Variants in HEMK2 observed in about 807,000 individuals in gnomAD.
The protein encoded by HEMK2 is HemK methyltransferase 2, ETF1 glutamine and histone H4 lysine.
chr21:28,767,894 C>A, the HEMK2 span, among the ~76,000 whole-genome samples: 2 of 152,134 alleles, frequency 1.3e-5, no homozygotes, highest in East Asian at 1.9e-4. Context: ...CCTGTGAGAA[C>A]TCTCCTCTCA....
At chr21:28,801,607 C>T in the HEMK2 span, among the ~76,000 whole-genome samples, 1 of 152,156 alleles carries the variant, frequency 6.6e-6, no homozygotes, top group East Asian at 1.9e-4. Context: ...AAAGGCTACT[C>T]TCCCTGATAC....
At chr21:28,612,092 A>T in the HEMK2 span, among the ~76,000 whole-genome samples, 2 of 151,980 alleles carry the variant, frequency 1.3e-5, no homozygotes, top group East Asian at 3.9e-4. Flanking sequence ...GTAACACCCT[A>T]ACACCAAAAC....
the HEMK2 span, among the ~76,000 whole-genome samples, chr21:28,831,558 G>A: frequency 5.6e-3 from 383 of 68,460 alleles, no homozygotes; most frequent in Middle Eastern, 8.3e-3. Context: ...AAGGAAAGAA[G>A]GAAAGAAGGA....
the HEMK2 span, among the ~76,000 whole-genome samples, chr21:28,805,487 CA>C: frequency 6.6e-6 from 1 of 152,122 alleles, no homozygotes; most frequent in Non-Finnish European, 1.5e-5. Context: ...TGATTGAAAC[CA>C]AAATGTTTGG....
chr21:28,880,631 T>G, the HEMK2 span, among the ~76,000 whole-genome samples: 1 of 151,894 alleles, frequency 6.6e-6, no homozygotes, highest in Non-Finnish European at 1.5e-5. Flanking sequence ...TAATCCCAGC[T>G]ACTGGGGAGG....
At chr21:28,866,148 G>GAAAAAAAAAAAA in the HEMK2 span, among the ~76,000 whole-genome samples, 9 of 17,474 alleles carry the variant, frequency 5.2e-4, 1 homozygote, top group South Asian at 8.3e-3. Flanking sequence ...TGTCTCTACA[G>GAAAAAAAAAAAA]AAAAAACAAA....
the HEMK2 span, among the ~76,000 whole-genome samples, chr21:28,651,259 C>T: frequency 6.6e-6 from 1 of 152,160 alleles, no homozygotes; most frequent in Non-Finnish European, 1.5e-5. Context: ...TCCCCCCAGA[C>T]TCCATGCAAA....
At chr21:28,576,564 T>C in the HEMK2 span, among the ~76,000 whole-genome samples, 1 of 152,216 alleles carries the variant, frequency 6.6e-6, no homozygotes, top group African/African-American at 2.4e-5. Flanking sequence ...AAATAGAATT[T>C]TCATTTTTAT....
the HEMK2 span, among the ~76,000 whole-genome samples, chr21:28,701,535 A>T: frequency 6.7e-6 from 1 of 148,766 alleles, no homozygotes. Context: ...ATACAATCCC[A>T]TTCACAATAG....
At chr21:28,724,399 C>G in the HEMK2 span, among the ~76,000 whole-genome samples, 1 of 152,202 alleles carries the variant, frequency 6.6e-6, no homozygotes, top group African/African-American at 2.4e-5. Flanking sequence ...AAAGGCAGCA[C>G]TCCAAACCTC....
the HEMK2 span, among the ~76,000 whole-genome samples, chr21:28,576,050 C>A: frequency 1.3e-5 from 2 of 152,090 alleles, no homozygotes; most frequent in Non-Finnish European, 2.9e-5. Flanking sequence ...TTGTAATGAG[C>A]ATTCTTGGAT....
the HEMK2 span, among the ~76,000 whole-genome samples, chr21:28,804,822 G>A: frequency 6.6e-6 from 1 of 152,152 alleles, no homozygotes; most frequent in African/African-American, 2.4e-5. Context: ...CAAAAGGGCT[G>A]GGAAGAAAAG....
the HEMK2 span, among the ~76,000 whole-genome samples, chr21:28,878,905 G>A: frequency 6.8e-6 from 1 of 148,136 alleles, no homozygotes; most frequent in Non-Finnish European, 1.5e-5. Flanking sequence ...TCTTTTCTAA[G>A]GAATGCATTT....
At chr21:28,871,493 G>A in the HEMK2 span, among the ~76,000 whole-genome samples, 1 of 152,246 alleles carries the variant, frequency 6.6e-6, no homozygotes, top group East Asian at 1.9e-4. Flanking sequence ...TCCAATACTA[G>A]GGGATTAAAA....
At chr21:28,716,616 T>A in the HEMK2 span, among the ~76,000 whole-genome samples, 6 of 152,176 alleles carry the variant, frequency 3.9e-5, no homozygotes, top group African/African-American at 1.4e-4. Flanking sequence ...GCTTCTTATT[T>A]CTTTCTCTTG....
At chr21:28,689,186 C>T in the HEMK2 span, among the ~76,000 whole-genome samples, 1 of 152,176 alleles carries the variant, frequency 6.6e-6, no homozygotes, top group African/African-American at 2.4e-5. Context: ...GTGATTGAGG[C>T]ATTCCTTGTA....
chr21:28,755,320 A>G, the HEMK2 span, among the ~76,000 whole-genome samples: 1 of 152,226 alleles, frequency 6.6e-6, no homozygotes, highest in Non-Finnish European at 1.5e-5. Context: ...TTTGTTGAAC[A>G]TGTTAAAAAC....
At chr21:28,786,103 T>G in the HEMK2 span, among the ~76,000 whole-genome samples, 2 of 152,340 alleles carry the variant, frequency 1.3e-5, no homozygotes, top group East Asian at 3.9e-4. Context: ...ACTAGATGCT[T>G]GTTAAATGTC....
chr21:28,777,228 G>A, the HEMK2 span, among the ~76,000 whole-genome samples: 44 of 152,322 alleles, frequency 2.9e-4, no homozygotes, highest in African/African-American at 9.9e-4. Flanking sequence ...AAGAACCCTT[G>A]TGCCTTCTCT....
Sources: gnomAD v4.1 joint callset for allele counts (sites outside exome capture counted in the v4.1 genomes callset) on GRCh38, gnomAD v4.1.1 for gene constraint, MANE v1.5 for transcripts, NCBI Gene and HGNC (gene_info 2026-07-23, HGNC 2026-07-21) for gene names.